Variants in PLEKHH2 observed in about 807,000 individuals in gnomAD.
The protein encoded by PLEKHH2 is pleckstrin homology domain-containing family H member 2.
PLEKHH2 carries 129 observed loss-of-function variants against 187.9 expected under a neutral mutation model. The observed-to-expected ratio is 0.69, with a 90% CI of 0.59 to 0.79. The LOEUF is 0.79. PLEKHH2 is among the 30% of genes least tolerant of loss of function. The pLI, the probability that PLEKHH2 is intolerant of heterozygous loss-of-function variation, is 0.00. For missense variants in PLEKHH2, 2,076 were observed against 1,751.2 expected (o/e 1.19, Z -3.31); for synonymous variants, 686 against 605.6 (o/e 1.13, Z -1.95).
intron 20 of PLEKHH2, among the ~76,000 whole-genome samples, chr2:43,739,360 T>G (rs1671453951): frequency 6.6e-6 from 1 of 152,244 alleles, no homozygotes; most frequent in Admixed American, 6.5e-5. Flanking sequence ...AATATATTTT[T>G]CAGGTGTTTG....
At chr2:43,731,971 A>G (rs1239558744) in intron 19 of PLEKHH2, among the ~76,000 whole-genome samples, 2 of 152,112 alleles carry the variant, frequency 1.3e-5, no homozygotes, top group Non-Finnish European at 2.9e-5. Flanking sequence ...TTATTCCTCA[A>G]TCTCTATTAG....
At chr2:43,720,952 T>G (rs1670450247) in intron 16 of PLEKHH2, among the ~76,000 whole-genome samples, 1 of 152,174 alleles carries the variant, frequency 6.6e-6, no homozygotes, top group South Asian at 2.1e-4. Context: ...ATTACAAGCC[T>G]TAGCAACTTT....
At chr2:43,731,822 G>A (rs1442000443) in intron 19 of PLEKHH2, among the ~76,000 whole-genome samples, 1 of 152,134 alleles carries the variant, frequency 6.6e-6, no homozygotes, top group African/African-American at 2.4e-5. Flanking sequence ...CTATTAATGT[G>A]TATGGTTTGG....
At chr2:43,740,701 C>A in intron 20 of PLEKHH2, 1 of 413,256 alleles carries the variant, frequency 2.4e-6, no homozygotes. Flanking sequence ...AGCACCTTGT[C>A]TGCTTGTGCC....
At chr2:43,691,851 T>C (rs1188332373) in intron 3 of PLEKHH2, among the ~76,000 whole-genome samples, 1 of 152,106 alleles carries the variant, frequency 6.6e-6, no homozygotes, top group African/African-American at 2.4e-5. Context: ...CAGGCAGAGA[T>C]TTGGGGGTCT....
chr2:43,681,766 C>T lies in PLEKHH2; in HGVS notation c.186+2841C>T. The T allele has an allele frequency of 9.1e-6, 4 of 437,432 alleles. No homozygotes were observed. The East Asian group carries it at 1.6e-4, about 17-fold the overall frequency. 27.1% of individuals were successfully genotyped at this position (437,432 alleles called of 1,614,324 possible). On this transcript the variant is annotated intron_variant, in intron 3 of 29. Coordinates refer to ENST00000282406, the MANE Select transcript of PLEKHH2 (RefSeq NM_172069.4). ...ATTCAGTTTCGGGTCTGAGAGCCTA[C>T]TCTGGACCCTCTCCCCACCAGGCCC...
At chr2:43,658,285 G>A (rs56212941) in intron 2 of PLEKHH2, among the ~76,000 whole-genome samples, 59,964 of 151,634 alleles carry the variant, frequency 0.4, 12,179 homozygotes, top group Non-Finnish European at 0.43. Flanking sequence ...TCACACTTAC[G>A]TGTATTAAAT....
chr2:43,640,904 C>T (rs1255325327), intron 1 of PLEKHH2, among the ~76,000 whole-genome samples: 1 of 151,712 alleles, frequency 6.6e-6, no homozygotes, highest in Non-Finnish European at 1.5e-5. Flanking sequence ...CCTGCCTCAA[C>T]CCCCAAGTAG....
chr2:43,723,486 T>G (rs1670586457), intron 16 of PLEKHH2, among the ~76,000 whole-genome samples: 1 of 152,116 alleles, frequency 6.6e-6, no homozygotes. Flanking sequence ...AGGAGGAAGA[T>G]AAGATTAAGT....
intron 1 of PLEKHH2, among the ~76,000 whole-genome samples, chr2:43,639,155 A>G (rs1415345005): frequency 2.0e-5 from 3 of 152,208 alleles, no homozygotes; most frequent in African/African-American, 4.8e-5. Context: ...GGCAGGGATA[A>G]CCACAAATAA....
At chr2:43,727,088 C>G (rs954077566) in intron 17 of PLEKHH2, among the ~76,000 whole-genome samples, 2 of 151,058 alleles carry the variant, frequency 1.3e-5, no homozygotes, top group African/African-American at 4.9e-5. Flanking sequence ...AGGCCTTTAT[C>G]TGAGTTCTGA....
chr2:43,645,405 C>T (rs901104239), intron 2 of PLEKHH2, among the ~76,000 whole-genome samples: 26 of 152,056 alleles, frequency 1.7e-4, no homozygotes, highest in African/African-American at 3.1e-4. Context: ...TGTTAGACAC[C>T]GTTCTTAATA....
Position 43,699,854 on chromosome 2 carries a change from A to T in PLEKHH2, c.896A>T (p.Lys299Met). 1 of 1,614,152 alleles carries T rather than the reference A, an allele frequency of 6.2e-7. No homozygotes were observed. The highest frequency in any genetic ancestry group is 8.5e-7 in the Non-Finnish European group (1 of 1,180,006). Reference sequence around the variant, plus strand: ...GAAGACGGGAGCAAAGGAAGATCCAAGTCCAGATGCACATCCACCCTCTCC... The same window carrying T: ...GAAGACGGGAGCAAAGGAAGATCCATGTCCAGATGCACATCCACCCTCTCC... ...DEEDGSKGRSKSRCTSTLSSH... is the reference protein window; with the variant it reads ...DEEDGSKGRSMSRCTSTLSSH... Residue 299 changes from lysine (K) to methionine (M), a missense_variant, in exon 8 of 30, where the codon AAG (lysine) becomes ATG (methionine). By Grantham distance (95) the Lys-to-Met change is moderately conservative (BLOSUM62 -1). Transcript: ENST00000282406.
At chr2:43,713,601 G>A (rs2104525210) in intron 15 of PLEKHH2, among the ~76,000 whole-genome samples, 1 of 151,054 alleles carries the variant, frequency 6.6e-6, no homozygotes, top group Non-Finnish European at 1.5e-5. Context: ...AAAATGTCTG[G>A]GAAATATACC....
intron 3 of PLEKHH2, chr2:43,680,532 A>G (rs567889423): frequency 1.9e-5 from 3 of 156,260 alleles, no homozygotes; most frequent in African/African-American, 7.2e-5. Flanking sequence ...CAACTTGAGT[A>G]CTACCAAATC....
chr2:43,689,233 G>C (rs1668678029), intron 3 of PLEKHH2, among the ~76,000 whole-genome samples: 1 of 152,162 alleles, frequency 6.6e-6, no homozygotes. Flanking sequence ...AGGAGTTTAG[G>C]GACCTTGGGA....
At chr2:43,755,557 C>G (rs535407473) in intron 25 of PLEKHH2, among the ~76,000 whole-genome samples, 20 of 152,276 alleles carry the variant, frequency 1.3e-4, no homozygotes, top group African/African-American at 4.8e-4. Context: ...ACTAATGACT[C>G]CAAAACTCAG....
intron 23 of PLEKHH2, chr2:43,744,241 T>A: frequency 1.3e-6 from 1 of 772,398 alleles, no homozygotes; most frequent in Non-Finnish European, 1.7e-6. Flanking sequence ...ATACTCTAAG[T>A]ATTAGGATAA....
intron 1 of PLEKHH2, among the ~76,000 whole-genome samples, chr2:43,637,683 CGGGCTTCTG>C (rs1703176384): frequency 6.6e-6 from 1 of 152,126 alleles, no homozygotes; most frequent in Non-Finnish European, 1.5e-5. Context: ...ACACTGGGCC[CGGGCTTCTG>C]GCGCGGCGCG....
Sources: gnomAD v4.1 joint callset for allele counts (sites outside exome capture counted in the v4.1 genomes callset) on GRCh38, gnomAD v4.1.1 for gene constraint, MANE v1.5 for transcripts, NCBI Gene and HGNC (gene_info 2026-07-23, HGNC 2026-07-21) for gene names.